MID2: variants seen among roughly 807,000 people sequenced by gnomAD.
MID2 encodes the protein midline 2, also known as probable E3 ubiquitin-protein ligase MID2.
In MID2, 13 loss-of-function variants were observed where a neutral mutation model predicts 46.1. That is an observed-to-expected ratio of 0.28 (90% CI 0.18 to 0.45). The LOEUF (loss-of-function observed/expected upper bound fraction) is 0.45. MID2 is among the 20% of genes least tolerant of loss of function. The probability of loss-of-function intolerance (pLI) is 1.00; values close to 1 mark genes in which losing one functional copy is unlikely to be tolerated. For synonymous variants in MID2, 199 were observed against 212.3 expected (o/e 0.94, Z 0.55); for missense variants, 431 against 575.4 (o/e 0.75, Z 2.57).
intron 3 of MID2, among the ~76,000 whole-genome samples, chrX:107,880,509 T>C (rs1435108550): frequency 1.8e-5 from 2 of 111,168 alleles, no homozygotes; most frequent in Non-Finnish European, 3.8e-5. Flanking sequence ...GCTGAGTCGC[T>C]TCTGGGTCGG....
rs746171315 is a variant in MID2 at position 107,828,591 on chromosome X, C to T, written c.4+2161C>T. On this transcript the variant is annotated intron_variant, in intron 1 of 9. Transcript: ENST00000262843. ...CAAGTGCTGGGATTACAGGCGAGAG[C>T]GACAATGCCCAGCCTACCTCTTTTA... is the stretch of plus-strand genomic sequence containing the variant. 6.3e-5 allele frequency among the ~76,000 whole-genome samples: 7 copies of T among 111,836 alleles called. No homozygotes were observed. In the East Asian group the frequency reaches 1.7e-3, roughly 27 times the overall value.
chrX:107,857,619 CTTA>C (rs1406628634), intron 3 of MID2, among the ~76,000 whole-genome samples: 1 of 111,898 alleles, frequency 8.9e-6, no homozygotes, highest in African/African-American at 3.3e-5. Context: ...ATCCAGGTTA[CTTA>C]TTATCCTCAT....
chrX:107,924,932 A>G (rs1933143567), intron 8 of MID2, among the ~76,000 whole-genome samples: 1 of 112,451 alleles, frequency 8.9e-6, no homozygotes, highest in Non-Finnish European at 1.9e-5. Flanking sequence ...TATATATTTT[A>G]TCTCTCACAC....
Position 107,826,410 on chromosome X carries a change from T to C in MID2, c.-17T>C, listed in dbSNP as rs1454117164. The C allele has an allele frequency of 1.8e-6, 2 of 1,138,321 alleles. No homozygotes were observed. Among genetic ancestry groups the C allele is most frequent in the Non-Finnish European group, 2.3e-6 (2 of 859,661 alleles). 93.8% of individuals were successfully genotyped at this position (1,138,321 alleles called of 1,213,427 possible). On this transcript the variant is annotated 5_prime_UTR_variant, in exon 1 of 10. Transcript: ENST00000262843. ...CCCTCGAGCGAGCGGAGGAGATGGC[T>C]GGCACCTGGGAACGCTATGGGTAAA...
At chrX:107,920,480 C>T (rs955838266) in intron 7 of MID2, among the ~76,000 whole-genome samples, 5 of 111,987 alleles carry the variant, frequency 4.5e-5, no homozygotes, top group Non-Finnish European at 7.5e-5. Flanking sequence ...AAGCATTAGC[C>T]GTAAACTCTG....
At chrX:107,897,188 G>A (rs1239048943) in intron 3 of MID2, among the ~76,000 whole-genome samples, 3 of 111,213 alleles carry the variant, frequency 2.7e-5, no homozygotes, top group African/African-American at 9.8e-5. Context: ...AATTCACTAC[G>A]ATAGTTATAC....
intron 2 of MID2, among the ~76,000 whole-genome samples, chrX:107,843,380 A>G (rs191314522): frequency 8.9e-6 from 1 of 112,314 alleles, no homozygotes; most frequent in African/African-American, 3.2e-5. Context: ...TCATGAAGCT[A>G]TAGCCCTCAT....
chrX:107,866,176 T>G (rs1259298583), intron 3 of MID2, among the ~76,000 whole-genome samples: 1 of 112,058 alleles, frequency 8.9e-6, no homozygotes, highest in East Asian at 2.8e-4. Context: ...GGATTCCAAT[T>G]GCCACCCACT....
At chrX:107,894,287 G>C (rs1339131999) in intron 3 of MID2, among the ~76,000 whole-genome samples, 1 of 110,825 alleles carries the variant, frequency 9.0e-6, no homozygotes, top group East Asian at 2.8e-4. Flanking sequence ...GTGGCCAGAT[G>C]TTGTAAGTAC....
intron 8 of MID2, 52 bp downstream of exon 8, chrX:107,924,556 G>A (rs762046569): frequency 3.5e-6 from 4 of 1,155,499 alleles, no homozygotes. Flanking sequence ...TCCATGCCAG[G>A]GGAGTACACA....
chrX:107,912,055 C>T (rs937000020), intron 5 of MID2, among the ~76,000 whole-genome samples: 25 of 111,902 alleles, frequency 2.2e-4, no homozygotes, highest in African/African-American at 8.1e-4. Context: ...ATCTGTGGAT[C>T]TAGTTGTTCC....
chrX:107,857,442 G>T (rs905033770), intron 3 of MID2, among the ~76,000 whole-genome samples: 1 of 111,460 alleles, frequency 9.0e-6, no homozygotes, highest in African/African-American at 3.3e-5. Context: ...CACCATGCCC[G>T]CCTAATTTCT....
intron 3 of MID2, among the ~76,000 whole-genome samples, chrX:107,888,412 A>G (rs1014556159): frequency 3.6e-5 from 4 of 112,113 alleles, no homozygotes; most frequent in African/African-American, 1.3e-4. Flanking sequence ...CAGGTTGTTC[A>G]GTTTCCATGT....
chrX:107,915,745 C>T (rs1246184174), intron 5 of MID2, among the ~76,000 whole-genome samples: 2 of 111,548 alleles, frequency 1.8e-5, no homozygotes, highest in Non-Finnish European at 3.8e-5. Flanking sequence ...CCTGTATTTA[C>T]TTCTCAAAAT....
At chrX:107,922,437 A>G (rs1288298329) in intron 7 of MID2, among the ~76,000 whole-genome samples, 1 of 111,271 alleles carries the variant, frequency 9.0e-6, no homozygotes, top group Non-Finnish European at 1.9e-5. Context: ...TTAGTCCCCA[A>G]TTTTCCCATC....
chrX:107,854,771 A>G, intron 3 of MID2, 67 bp downstream of exon 3: 1 of 785,013 alleles, frequency 1.3e-6, no homozygotes, highest in Non-Finnish European at 1.9e-6. Context: ...GGAGGACTTC[A>G]GTTTTGTCAG....
At chrX:107,866,465 ACACACACACAC>A (rs1424369579) in intron 3 of MID2, among the ~76,000 whole-genome samples, 1 of 101,145 alleles carries the variant, frequency 9.9e-6, no homozygotes, top group Admixed American at 1.1e-4. Flanking sequence ...ACACACACAC[ACACACACACAC>A]AACACTGACC....
At chrX:107,880,027 G>C (rs1376082819) in intron 3 of MID2, among the ~76,000 whole-genome samples, 1 of 108,041 alleles carries the variant, frequency 9.3e-6, no homozygotes, top group Non-Finnish European at 1.9e-5. Context: ...CTGCTGCCCA[G>C]ATAGAGCTGA....
At chrX:107,845,523 ACACTCTCTCT>A (rs1360863711) in intron 2 of MID2, among the ~76,000 whole-genome samples, 177 of 85,926 alleles carry the variant, frequency 2.1e-3, no homozygotes, top group African/African-American at 0.012. Context: ...ACACACACAC[ACACTCTCTCT>A]CTCTCTCTCT....
Sources: allele counts gnomAD v4.1 joint callset (sites outside exome capture counted in the v4.1 genomes callset), GRCh38; gene constraint gnomAD v4.1.1; transcripts MANE v1.5; gene names NCBI Gene and HGNC (gene_info 2026-07-23, HGNC 2026-07-21).